SS18L1: variants seen among roughly 807,000 people sequenced by gnomAD.
SS18L1 encodes calcium-responsive transactivator.
Under a neutral mutation model 70.3 loss-of-function variants are expected in SS18L1, and 32 were observed. That is an observed-to-expected ratio of 0.46 (90% confidence interval 0.34 to 0.61). The LOEUF is 0.61. Ranked by LOEUF, SS18L1 falls within the 20% of genes least tolerant of loss-of-function variation. The probability of loss-of-function intolerance (pLI) is 0.01; values close to 1 mark genes in which losing one functional copy is unlikely to be tolerated. For missense variants in SS18L1, 430 were observed against 542.1 expected, an observed-to-expected ratio of 0.79 and a Z score of 2.05; for synonymous variants, 237 against 229.7, an observed-to-expected ratio of 1.03 and a Z score of -0.29.
At chr20:62,171,181 C>A (rs1292711555) in intron 8 of SS18L1, among the ~76,000 whole-genome samples, 1 of 152,022 alleles carries the variant, frequency 6.6e-6, no homozygotes, top group Non-Finnish European at 1.5e-5. Flanking sequence ...GGATTACAGG[C>A]GTGAGCCACC....
chr20:62,165,876 G>A (rs1256014519), intron 8 of SS18L1, among the ~76,000 whole-genome samples: 1 of 151,554 alleles, frequency 6.6e-6, no homozygotes. Context: ...GCCAGGGATC[G>A]TGGGGCCTGC....
At chr20:62,147,777 C>T (rs913301982) in intron 1 of SS18L1, among the ~76,000 whole-genome samples, 4 of 151,976 alleles carry the variant, frequency 2.6e-5, no homozygotes, top group African/African-American at 9.7e-5. Flanking sequence ...TAGTGCCGTG[C>T]CCAGGGTCCG....
intron 1 of SS18L1, among the ~76,000 whole-genome samples, chr20:62,147,544 T>G (rs754145637): frequency 5.9e-5 from 9 of 152,106 alleles, no homozygotes; most frequent in Non-Finnish European, 1.0e-4. Flanking sequence ...TCAATAAATG[T>G]GTTACTGTTT....
chr20:62,158,755 G>GC lies in SS18L1; in HGVS notation c.146+10dup, dbSNP rs772230195. 6.8e-6 allele frequency: 11 copies of GC among 1,612,832 alleles called. No homozygotes were observed. In the African/African-American group the frequency reaches 1.5e-4, roughly 22 times the overall value. ...AGACGGCCGAGTGCACGCAGTGAGT[G>GC]CCCGCCATACACCGGAACACTTGGA... On this transcript the variant is annotated splice_region_variant and intron_variant, in intron 2 of 10. Coordinates refer to ENST00000331758, the MANE Select transcript of SS18L1 (RefSeq NM_198935.3). The surrounding 1 kb of genome is among the most constrained non-coding windows in gnomAD (Gnocchi z 4.5).
intron 5 of SS18L1, 21 bp from the exon 6 acceptor site, chr20:62,163,437 G>T (rs2057368749): frequency 6.2e-7 from 1 of 1,611,428 alleles, no homozygotes; most frequent in Admixed American, 1.7e-5. Context: ...GGTGATGTGG[G>T]GCCTCTGTCC....
intron 1 of SS18L1, among the ~76,000 whole-genome samples, chr20:62,152,147 A>G (rs549753984): frequency 6.6e-6 from 1 of 151,986 alleles, no homozygotes; most frequent in African/African-American, 2.4e-5. Context: ...CTGGACGTCA[A>G]CCCCAGGAGT....
intron 1 of SS18L1, among the ~76,000 whole-genome samples, chr20:62,149,718 C>T (rs1600989788): frequency 6.6e-6 from 1 of 152,224 alleles, no homozygotes; most frequent in East Asian, 1.9e-4. Context: ...AATTGGTCAG[C>T]TTTAGCCTTT....
intron 5 of SS18L1, among the ~76,000 whole-genome samples, 189 bp from the exon 6 acceptor site, chr20:62,163,269 C>T (rs112975953): frequency 2.2e-4 from 34 of 152,206 alleles, no homozygotes; most frequent in African/African-American, 4.8e-4. Flanking sequence ...GTGCAAGCAG[C>T]GGGTCTGAGC....
At chr20:62,170,190 G>A (rs7265027) in intron 8 of SS18L1, among the ~76,000 whole-genome samples, 18,426 of 152,178 alleles carry the variant, frequency 0.12, 1,303 homozygotes, top group South Asian at 0.24. Context: ...CGGGCACCCC[G>A]CAGAATGCCA....
At chr20:62,165,062 C>T (rs913709373) in intron 7 of SS18L1, among the ~76,000 whole-genome samples, 6 of 152,176 alleles carry the variant, frequency 3.9e-5, no homozygotes, top group African/African-American at 1.2e-4. Flanking sequence ...TCACATGCAG[C>T]GAAGGCCTCG....
In SS18L1 at chr20:62,174,737, T is replaced by C. The variant is rs2145785934; in HGVS notation, c.1164+93T>C. On this transcript the variant is annotated intron_variant, in intron 10 of 10. Transcript: ENST00000331758. The surrounding 1 kb of genome is among the most constrained non-coding windows in gnomAD (Gnocchi z 4.1). ...CTTATGGCCATGAGGAATAATGAGC[T>C]GGAACTAACTGGCTTCCAGGGTTCC... The C allele has an allele frequency of 1.9e-6, 3 of 1,608,742 alleles. No homozygotes were observed. Among genetic ancestry groups the C allele is most frequent in the Non-Finnish European group, 1.7e-6 (2 of 1,177,986 alleles).
chr20:62,181,020 A>G lies in SS18L1; in HGVS notation c.*1812A>G, dbSNP rs1270674341. The G allele has an allele frequency of 1.6e-5, 3 of 186,924 alleles. No homozygotes were observed. The highest frequency in any genetic ancestry group is 2.0e-4 in the South Asian group (1 of 5,110). The allele number at this position is 186,924 out of a possible 1,614,324, so 11.6% of individuals were successfully genotyped here. On this transcript the variant is annotated 3_prime_UTR_variant, in exon 11 of 11. Transcript: ENST00000331758. Reference sequence around the variant, plus strand: ...ATTAATTCTGACAGCCCCTATGAGGAAATCTGGAGGCAGGTAACAGTTCCC... The same window carrying G: ...ATTAATTCTGACAGCCCCTATGAGGGAATCTGGAGGCAGGTAACAGTTCCC...
Position 62,174,539 on chromosome 20 carries a change from A to C in SS18L1, c.1059A>C (p.Ser353=), listed in dbSNP as rs1408369577. Residue 353 remains serine (S), a synonymous_variant, in exon 10 of 11, where the codon TCA becomes TCC. Coordinates refer to ENST00000331758, the MANE Select transcript of SS18L1 (RefSeq NM_198935.3). The surrounding 1 kb of genome is among the most constrained non-coding windows in gnomAD (Gnocchi z 4.1). ...QGYGSAQGAP[S]QYPGYQQGQG... is the part of the protein sequence containing the mutation. ...CAGGGTCTGCCCAGGGAGCCCCGTC[A>C]CAGTACCCCGGCTACCAGCAAGGCC... 6 of 1,614,046 alleles carry C rather than the reference A, an allele frequency of 3.7e-6. No homozygotes were observed. The highest frequency in any genetic ancestry group is 5.1e-6 in the Non-Finnish European group (6 of 1,180,022).
intron 1 of SS18L1, among the ~76,000 whole-genome samples, chr20:62,144,952 T>A (rs187614131): frequency 8.0e-4 from 122 of 152,374 alleles, no homozygotes; most frequent in Non-Finnish European, 1.4e-3. Context: ...TGACCTTGAC[T>A]GAGGCTGTTA....
At chr20:62,178,986 C>T (rs2057667805) in intron 10 of SS18L1, among the ~76,000 whole-genome samples, 196 bp from the exon 11 acceptor site, 1 of 152,224 alleles carries the variant, frequency 6.6e-6, no homozygotes, top group Non-Finnish European at 1.5e-5. Context: ...ACAAATGAAC[C>T]TTTGGCCCTG....
At position 62,174,743 on chromosome 20, in the gene SS18L1, T is replaced by C; in HGVS notation, c.1164+99T>C. On this transcript the variant is annotated intron_variant, in intron 10 of 10. Transcript: ENST00000331758. This position sits in a 1 kb window ranked among gnomAD's most constrained non-coding sequence, Gnocchi z 4.1. ...GCCATGAGGAATAATGAGCTGGAAC[T>C]AACTGGCTTCCAGGGTTCCTTCCAG... 1 of 1,607,784 alleles carries C rather than the reference T, an allele frequency of 6.2e-7. No individual in the cohort carries two copies. Among genetic ancestry groups the C allele is most frequent in the Non-Finnish European group, 8.5e-7 (1 of 1,177,476 alleles).
chr20:62,168,272 G>T (rs2057470576), intron 8 of SS18L1, among the ~76,000 whole-genome samples: 1 of 152,142 alleles, frequency 6.6e-6, no homozygotes, highest in South Asian at 2.1e-4. Flanking sequence ...TATTCCATCT[G>T]TTTGTTAGAC....
chr20:62,152,008 C>G (rs2057142142), intron 1 of SS18L1, among the ~76,000 whole-genome samples: 1 of 151,310 alleles, frequency 6.6e-6, no homozygotes, highest in Non-Finnish European at 1.5e-5. Flanking sequence ...CCGTTCCCCT[C>G]TTTTCCCGCT....
Position 62,174,768 on chromosome 20 carries a change from G to T in SS18L1, c.1164+124G>T. 1 of 1,588,286 alleles carries T rather than the reference G, an allele frequency of 6.3e-7. No homozygotes were observed. The highest frequency in any genetic ancestry group is 8.6e-7 in the Non-Finnish European group (1 of 1,167,662). Reference sequence around the variant, plus strand: ...TAACTGGCTTCCAGGGTTCCTTCCAGAACGTTAAGTCTCTGAGCCTGTAAG... The same window carrying T: ...TAACTGGCTTCCAGGGTTCCTTCCATAACGTTAAGTCTCTGAGCCTGTAAG... On this transcript the variant is annotated intron_variant, in intron 10 of 10. Coordinates refer to ENST00000331758, the MANE Select transcript of SS18L1 (RefSeq NM_198935.3). The surrounding 1 kb of genome is among the most constrained non-coding windows in gnomAD (Gnocchi z 4.1).
Sources: gnomAD v4.1 joint callset for allele counts (sites outside exome capture counted in the v4.1 genomes callset) on GRCh38, gnomAD v4.1.1 for gene constraint, Gnocchi (gnomAD v3.1) non-coding constraint, MANE v1.5 for transcripts, NCBI Gene and HGNC (gene_info 2026-07-23, HGNC 2026-07-21) for gene names.